Variants in MAPK4 observed in about 807,000 individuals in gnomAD.
MAPK4 encodes the protein Erk3-related.
A neutral mutation model predicts 47.7 loss-of-function variants in MAPK4; 22 were observed. The observed-to-expected ratio is 0.46, with a 90% CI of 0.33 to 0.66. The LOEUF (loss-of-function observed/expected upper bound fraction) is 0.66, where lower values mean the gene tolerates loss of function less well. Ranked by LOEUF, MAPK4 falls within the 30% of genes least tolerant of loss-of-function variation. The probability of loss-of-function intolerance (pLI) is 0.02; values close to 1 mark genes in which losing one functional copy is unlikely to be tolerated. For synonymous variants in MAPK4, 390 were observed against 365.7 expected (o/e 1.07, Z -0.76); for missense variants, 736 against 831.7 (o/e 0.88, Z 1.42).
rs114103156 is a variant in MAPK4, at chr18:50,693,690, G to T, written c.547-21389G>T. Among the ~76,000 whole-genome samples, 419 of 152,324 alleles carry T rather than the reference G, an allele frequency of 2.8e-3. 2 individuals carry two copies. Among genetic ancestry groups the T allele is most frequent in the African/African-American group, 9.3e-3 (387 of 41,562 alleles). On this transcript the variant is annotated intron_variant, in intron 2 of 5. Coordinates refer to ENST00000400384, the MANE Select transcript of MAPK4 (RefSeq NM_002747.4). ...TGGAGTGGTGCTTTCAAGCGTGCAT[G>T]TGCTTTCCGTGGGTTTGTTTCCACG...
Position 50,729,654 on chromosome 18 carries a change from C to A in MAPK4, c.1564C>A (p.Pro522Thr), listed in dbSNP as rs766321769. The A allele has an allele frequency of 1.1e-5, 16 of 1,518,038 alleles. No homozygotes were observed. Among genetic ancestry groups the A allele is most frequent in the Non-Finnish European group, 1.3e-5 (15 of 1,130,460 alleles). 94.0% of individuals were successfully genotyped at this position (1,518,038 alleles called of 1,614,324 possible). A position where few individuals can be genotyped will look rare whatever the true frequency, so the allele number is the denominator to read the frequency against. Reference sequence around the variant, plus strand: ...CCCCGAGCGCCGCTTGTCTGCCTCGCCCCCCGGCCGCCCGGCCCCGGTGGA... The same window carrying A: ...CCCCGAGCGCCGCTTGTCTGCCTCGACCCCCGGCCGCCCGGCCCCGGTGGA... ...DDPERRLSAS[P>T]PGRPAPVDGG... The change falls in exon 6 of 6, where the codon CCC becomes ACC. Residue 522 changes from proline to threonine, a missense_variant. Physicochemically the swap from Pro to Thr is conservative, Grantham distance 38 (BLOSUM62 -1). Coordinates refer to ENST00000400384, the MANE Select transcript of MAPK4 (RefSeq NM_002747.4).
At chr18:50,702,071 A>G (rs1909817546) in intron 2 of MAPK4, among the ~76,000 whole-genome samples, 1 of 146,472 alleles carries the variant, frequency 6.8e-6, no homozygotes, top group Non-Finnish European at 1.5e-5. Flanking sequence ...CTGAGGTGGG[A>G]GGATCGCTTG....
At chr18:50,704,174 G>A (rs888704847) in intron 2 of MAPK4, among the ~76,000 whole-genome samples, 8 of 152,040 alleles carry the variant, frequency 5.3e-5, no homozygotes, top group Admixed American at 1.3e-4. Flanking sequence ...AATCTGTCAC[G>A]CCCTCCAGAC....
intron 1 of MAPK4, among the ~76,000 whole-genome samples, chr18:50,620,554 A>AGT (rs2042722747): frequency 6.6e-6 from 1 of 152,148 alleles, no homozygotes; most frequent in African/African-American, 2.4e-5. Flanking sequence ...CAGGGATGGG[A>AGT]GTGTTGCCAG....
intron 1 of MAPK4, among the ~76,000 whole-genome samples, chr18:50,565,969 A>T (rs1459379158): frequency 1.3e-5 from 2 of 152,236 alleles, no homozygotes; most frequent in African/African-American, 4.8e-5. Flanking sequence ...AGGCTTTAAA[A>T]ATGAAACTAT....
At chr18:50,702,248 T>C (rs1377861124) in intron 2 of MAPK4, among the ~76,000 whole-genome samples, 2 of 151,626 alleles carry the variant, frequency 1.3e-5, no homozygotes, top group East Asian at 3.9e-4. Context: ...ACTACCTAAC[T>C]TTCAAAGACT....
chr18:50,576,171 T>C (rs568214068), intron 1 of MAPK4, among the ~76,000 whole-genome samples: 1 of 152,288 alleles, frequency 6.6e-6, no homozygotes, highest in African/African-American at 2.4e-5. Context: ...TAAATCGCTC[T>C]TCCATAAAAA....
At chr18:50,570,486 A>G (rs1276612317) in intron 1 of MAPK4, among the ~76,000 whole-genome samples, 1 of 152,192 alleles carries the variant, frequency 6.6e-6, no homozygotes, top group Non-Finnish European at 1.5e-5. Context: ...AGCTTTTAAG[A>G]AGTAAAAACT....
At chr18:50,577,584 C>T (rs140836608) in intron 1 of MAPK4, among the ~76,000 whole-genome samples, 121 of 152,258 alleles carry the variant, frequency 7.9e-4, no homozygotes, top group Middle Eastern at 3.4e-3. Flanking sequence ...CCAGGATTAC[C>T]TTGTGCAGGG....
chr18:50,714,519 A>G (rs1410956680), intron 2 of MAPK4, among the ~76,000 whole-genome samples: 3 of 152,156 alleles, frequency 2.0e-5, no homozygotes, highest in Non-Finnish European at 4.4e-5. Context: ...CTGCTTCCAC[A>G]TAGCATTTTC....
At chr18:50,615,270 G>A (rs961625318) in intron 1 of MAPK4, among the ~76,000 whole-genome samples, 9 of 152,166 alleles carry the variant, frequency 5.9e-5, no homozygotes, top group Non-Finnish European at 1.2e-4. Flanking sequence ...CTAAGTTGTG[G>A]TGGAAGCTGC....
chr18:50,567,804 C>A (rs1354829378), intron 1 of MAPK4, among the ~76,000 whole-genome samples: 27 of 147,980 alleles, frequency 1.8e-4, no homozygotes, highest in Non-Finnish European at 3.6e-4. Context: ...GGTGAATTAT[C>A]TATTTGAGTG....
chr18:50,594,201 C>T (rs750578713), intron 1 of MAPK4, among the ~76,000 whole-genome samples: 13 of 152,178 alleles, frequency 8.5e-5, no homozygotes, highest in African/African-American at 1.9e-4. Context: ...ATTCTAGCCG[C>T]GCTGGCAGCC....
At chr18:50,699,351 A>G (rs1909664576) in intron 2 of MAPK4, among the ~76,000 whole-genome samples, 1 of 152,254 alleles carries the variant, frequency 6.6e-6, no homozygotes, top group South Asian at 2.1e-4. Context: ...GGTGTTCACT[A>G]TTTCTCAGTA....
intron 1 of MAPK4, among the ~76,000 whole-genome samples, chr18:50,638,314 C>G (rs2042906134): frequency 1.3e-5 from 2 of 152,180 alleles, no homozygotes; most frequent in African/African-American, 4.8e-5. Context: ...TATGATAAAT[C>G]ACAATCCTTC....
intron 1 of MAPK4, among the ~76,000 whole-genome samples, chr18:50,597,146 T>G (rs1322362290): frequency 6.6e-6 from 1 of 152,170 alleles, no homozygotes; most frequent in Non-Finnish European, 1.5e-5. Context: ...TTCAACCCAA[T>G]GAAAAGTATA....
chr18:50,627,487 C>T (rs1413856141), intron 1 of MAPK4, among the ~76,000 whole-genome samples: 2 of 152,210 alleles, frequency 1.3e-5, no homozygotes, highest in East Asian at 3.9e-4. Context: ...AGCTGTTTCC[C>T]ACTCCAGGCC....
chr18:50,727,915 G>C (rs1440751979), intron 5 of MAPK4, among the ~76,000 whole-genome samples: 4 of 152,230 alleles, frequency 2.6e-5, no homozygotes, highest in Admixed American at 1.3e-4. Flanking sequence ...ACTTGGAATA[G>C]AGCAGCCAAG....
At position 50,726,084 on chromosome 18, in the gene MAPK4, C is replaced by T. The variant is rs755379765; in HGVS notation, c.976C>T (p.His326Tyr). The T allele has an allele frequency of 8.1e-6, 13 of 1,614,068 alleles. No homozygotes were observed. The African/African-American group carries it at 1.1e-4, about 13-fold the overall frequency. The change falls in exon 5 of 6, where the codon CAC becomes TAC. Residue 326 changes from histidine (H) to tyrosine (Y), a missense_variant. Transcript: ENST00000400384. ...CCCTGAGGACGAGCCCACCTCACAA[C>T]ACCCCTTCCGCATTGAGGATGAGAT... ...SCPEDEPTSQ[H>Y]PFRIEDEIDD...
Sources: allele counts gnomAD v4.1 joint callset (sites outside exome capture counted in the v4.1 genomes callset), GRCh38; gene constraint gnomAD v4.1.1; transcripts MANE v1.5; gene names NCBI Gene and HGNC (gene_info 2026-07-23, HGNC 2026-07-21).